KCNJ6: variants seen among roughly 807,000 people sequenced by gnomAD.
KCNJ6 encodes potassium inwardly rectifying channel subfamily J member 6, also known as G protein-activated inward rectifier potassium channel 2.
Under a neutral mutation model 34.2 loss-of-function variants are expected in KCNJ6, and 9 were observed. The observed-to-expected ratio is 0.26, with a 90% CI of 0.16 to 0.46. The LOEUF (loss-of-function observed/expected upper bound fraction) is 0.46, where lower values mean the gene tolerates loss of function less well. KCNJ6 is among the 20% of genes least tolerant of loss of function. The pLI, the probability that KCNJ6 is intolerant of heterozygous loss-of-function variation, is 1.00. For synonymous variants in KCNJ6, 196 were observed against 207.1 expected (o/e 0.95, Z 0.46); for missense variants, 236 against 531.3 (o/e 0.44, Z 5.46).
Position 37,714,787 on chromosome 21 carries a change from T to A in KCNJ6, c.370A>T (p.Ile124Leu). ...CAAGGAGTCCAGGAGGGGTCCTCTA[T>A]GTGGTCCATGTCTCCCCGTATGTAT... The part of the protein sequence containing the change: ...IAYIRGDMDH[I>L]EDPSWTPCVT... The change falls in exon 3 of 4, where the codon ATA becomes TTA. Residue 124 changes from isoleucine to leucine, a missense_variant. This residue lies in a region of KCNJ6 where 68 missense variants were observed against 165.7 expected (regional missense o/e 0.41). Transcript: ENST00000609713. The surrounding 1 kb of genome is among the most constrained non-coding windows in gnomAD (Gnocchi z 5.9). 1 of 1,614,204 alleles carries A rather than the reference T, an allele frequency of 6.2e-7. No individual in the cohort carries two copies. Among genetic ancestry groups the A allele is most frequent in the Non-Finnish European group, 8.5e-7 (1 of 1,180,034 alleles).
At chr21:37,901,690 G>C (rs1471833940) in intron 1 of KCNJ6, among the ~76,000 whole-genome samples, 1 of 152,176 alleles carries the variant, frequency 6.6e-6, no homozygotes, top group Admixed American at 6.5e-5. Context: ...TCTCTATGTT[G>C]GTAAGTGTGC....
intron 1 of KCNJ6, among the ~76,000 whole-genome samples, chr21:37,847,247 T>C (rs2123585969): frequency 6.6e-6 from 1 of 152,334 alleles, no homozygotes; most frequent in Non-Finnish European, 1.5e-5. Context: ...ATCTCCTTAA[T>C]TCTCACAAGG....
At chr21:37,854,939 C>A (rs143806433) in intron 1 of KCNJ6, among the ~76,000 whole-genome samples, 1 of 152,192 alleles carries the variant, frequency 6.6e-6, no homozygotes, top group African/African-American at 2.4e-5. Context: ...CTTCTCTTAA[C>A]AATTGTTAGG....
At chr21:37,860,569 G>A (rs1156783640) in intron 1 of KCNJ6, among the ~76,000 whole-genome samples, 4 of 152,156 alleles carry the variant, frequency 2.6e-5, no homozygotes, top group Admixed American at 2.6e-4. Context: ...CAGGTGGCAT[G>A]GAGTTCCTGC....
At chr21:37,646,680 T>TTA (rs1261537076) in intron 3 of KCNJ6, among the ~76,000 whole-genome samples, 7 of 48,950 alleles carry the variant, frequency 1.4e-4, no homozygotes, top group African/African-American at 7.6e-4. Flanking sequence ...TTATTTTTAT[T>TTA]TTTTTTTTTG....
In KCNJ6 at chr21:37,623,510, A is replaced by G. The variant is rs774326826; in HGVS notation, c.*1649T>C. ...AAAGTGAATGTGAAAGATCTGTAACAGTGCAAAATCTCCACCTGCCCCGGA... is the reference window on the plus strand; with the variant it reads ...AAAGTGAATGTGAAAGATCTGTAACGGTGCAAAATCTCCACCTGCCCCGGA... On this transcript the variant is annotated 3_prime_UTR_variant, in exon 4 of 4. Coordinates refer to ENST00000609713, the MANE Select transcript of KCNJ6 (RefSeq NM_002240.5). The G allele has an allele frequency of 1.2e-4, 19 of 152,332 alleles. 1 individual carries two copies. Among genetic ancestry groups the G allele is most frequent in the Non-Finnish European group, 2.8e-4 (19 of 68,020 alleles). 9.4% of individuals were successfully genotyped at this position (152,332 alleles called of 1,614,324 possible). A position where few individuals can be genotyped will look rare whatever the true frequency, so the allele number is the denominator to read the frequency against.
intron 1 of KCNJ6, among the ~76,000 whole-genome samples, chr21:37,866,507 G>A (rs1218437763): frequency 5.9e-5 from 9 of 152,172 alleles, no homozygotes. Flanking sequence ...ACATACTTTT[G>A]TGCAGCTTTT....
At chr21:37,720,203 C>T (rs912112875) in intron 2 of KCNJ6, among the ~76,000 whole-genome samples, 2 of 151,812 alleles carry the variant, frequency 1.3e-5, no homozygotes, top group African/African-American at 4.8e-5. Flanking sequence ...AAACAAATTG[C>T]CAAACAACAC....
At chr21:37,875,818 A>C (rs1258941165) in intron 1 of KCNJ6, among the ~76,000 whole-genome samples, 1 of 152,042 alleles carries the variant, frequency 6.6e-6, no homozygotes, top group African/African-American at 2.4e-5. Context: ...TACAAGGAAC[A>C]CCTCCGGTGG....
At chr21:37,762,285 C>G (rs760420431) in intron 2 of KCNJ6, among the ~76,000 whole-genome samples, 7 of 152,230 alleles carry the variant, frequency 4.6e-5, no homozygotes, top group Non-Finnish European at 8.8e-5. Flanking sequence ...CAAAGCCACA[C>G]TCCAGTGGCT....
intron 2 of KCNJ6, among the ~76,000 whole-genome samples, chr21:37,749,046 T>C (rs1372709049): frequency 6.6e-6 from 1 of 152,196 alleles, no homozygotes; most frequent in African/African-American, 2.4e-5. Flanking sequence ...GTGTACAATG[T>C]GCATATTTAT....
chr21:37,789,763 C>T (rs944364837), intron 2 of KCNJ6, among the ~76,000 whole-genome samples: 10 of 152,180 alleles, frequency 6.6e-5, no homozygotes, highest in Admixed American at 5.2e-4. Flanking sequence ...AGTGCGCTGT[C>T]GACCAGTGTC....
intron 3 of KCNJ6, among the ~76,000 whole-genome samples, chr21:37,711,677 G>T (rs554344539): frequency 6.6e-6 from 1 of 152,172 alleles, no homozygotes; most frequent in African/African-American, 2.4e-5. Context: ...CATTCACAAA[G>T]AAACAGTATC....
At chr21:37,909,369 C>CTTTT (rs763546640) in intron 1 of KCNJ6, among the ~76,000 whole-genome samples, 16 of 143,286 alleles carry the variant, frequency 1.1e-4, no homozygotes, top group African/African-American at 3.3e-4. Flanking sequence ...GCACAAAGAA[C>CTTTT]TTTTTTTTTT....
At chr21:37,845,701 A>C (rs1190573642) in intron 1 of KCNJ6, among the ~76,000 whole-genome samples, 1 of 152,210 alleles carries the variant, frequency 6.6e-6, no homozygotes, top group Non-Finnish European at 1.5e-5. Flanking sequence ...TTGAGGACAA[A>C]TATTGACCTC....
intron 1 of KCNJ6, among the ~76,000 whole-genome samples, chr21:37,913,372 C>T (rs1435913985): frequency 6.6e-6 from 1 of 152,252 alleles, no homozygotes; most frequent in African/African-American, 2.4e-5. Flanking sequence ...CCACCTTGCT[C>T]ACACGCAGGC....
intron 2 of KCNJ6, among the ~76,000 whole-genome samples, chr21:37,757,542 C>T (rs2055035520): frequency 6.6e-6 from 1 of 152,052 alleles, no homozygotes; most frequent in Non-Finnish European, 1.5e-5. Context: ...CTGGAGTGAG[C>T]ACTCCCTCAC....
At chr21:37,836,626 A>C (rs747628039) in intron 2 of KCNJ6, among the ~76,000 whole-genome samples, 17 of 152,192 alleles carry the variant, frequency 1.1e-4, no homozygotes, top group Non-Finnish European at 2.2e-4. Flanking sequence ...ATTCTCAGCA[A>C]ACTAACACGA....
At chr21:37,871,200 C>G (rs879354395) in intron 1 of KCNJ6, among the ~76,000 whole-genome samples, 6 of 152,108 alleles carry the variant, frequency 3.9e-5, no homozygotes, top group African/African-American at 1.4e-4. Context: ...ATTGGGCACA[C>G]CTTGCATCCT....
Sources: allele counts gnomAD v4.1 joint callset (sites outside exome capture counted in the v4.1 genomes callset), GRCh38; gene constraint gnomAD v4.1.1; regional missense constraint gnomAD v4.1.1; non-coding constraint Gnocchi (gnomAD v3.1); transcripts MANE v1.5; gene names NCBI Gene and HGNC (gene_info 2026-07-23, HGNC 2026-07-21).